The following PKIB variants were observed in gnomAD, a reference collection of about 807,000 sequenced individuals.
The protein encoded by PKIB is cAMP-dependent protein kinase inhibitor beta, also known as PKI-beta.
Under a neutral mutation model 4.5 loss-of-function variants are expected in PKIB, and 2 were observed. That is an observed-to-expected ratio of 0.44 (90% CI 0.18 to 1.39). The LOEUF is 1.39. PKIB is among the 40% of genes most tolerant of loss of function. PKIB has a pLI of 0.27. For missense variants in PKIB, 94 were observed against 92.6 expected (o/e 1.02, Z -0.06); for synonymous variants, 38 against 36.0 (o/e 1.06, Z -0.20).
chr6:122,564,051 T>C (rs1773109806), intron 2 of PKIB, among the ~76,000 whole-genome samples: 1 of 152,214 alleles, frequency 6.6e-6, no homozygotes, highest in Non-Finnish European at 1.5e-5. Context: ...CACTTGGCTC[T>C]CTAAATTGGC....
intron 1 of PKIB, among the ~76,000 whole-genome samples, chr6:122,611,765 A>G (rs1462029444): frequency 6.6e-6 from 1 of 152,242 alleles, no homozygotes; most frequent in Non-Finnish European, 1.5e-5. Flanking sequence ...ACTGATGACC[A>G]TAATGCTCAC....
intron 2 of PKIB, among the ~76,000 whole-genome samples, chr6:122,487,290 A>T (rs1477991718): frequency 1.3e-5 from 2 of 152,098 alleles, no homozygotes; most frequent in Admixed American, 1.3e-4. Context: ...TGACCTTGTT[A>T]TTTTTTTGAA....
intron 2 of PKIB, among the ~76,000 whole-genome samples, chr6:122,655,775 A>T (rs60988375): frequency 2.0e-5 from 3 of 152,196 alleles, no homozygotes; most frequent in Admixed American, 6.5e-5. Context: ...CTTACTTTTT[A>T]AAAAATTGGA....
chr6:122,667,914 C>T (rs1353376538), intron 2 of PKIB, among the ~76,000 whole-genome samples: 1 of 152,148 alleles, frequency 6.6e-6, no homozygotes, highest in Admixed American at 6.5e-5. Context: ...TACAGACAGA[C>T]AGGAGTGAAG....
At chr6:122,635,558 A>AC (rs1424757592) in intron 2 of PKIB, among the ~76,000 whole-genome samples, 1 of 151,572 alleles carries the variant, frequency 6.6e-6, no homozygotes, top group Non-Finnish European at 1.5e-5. Context: ...AAAAAAAAAA[A>AC]AAAACTAAAA....
At chr6:122,717,325 C>G (rs1779539144) in intron 3 of PKIB, among the ~76,000 whole-genome samples, 2 of 152,096 alleles carry the variant, frequency 1.3e-5, no homozygotes, top group African/African-American at 4.8e-5. Flanking sequence ...TTTCTTATTT[C>G]TAAGAAGTAG....
chr6:122,571,961 A>G (rs751256425), intron 2 of PKIB, among the ~76,000 whole-genome samples: 5 of 152,162 alleles, frequency 3.3e-5, no homozygotes, highest in Non-Finnish European at 7.4e-5. Flanking sequence ...GGATTAAAAA[A>G]CCGCTAACCA....
chr6:122,512,294 C>T (rs1422695931), intron 2 of PKIB, among the ~76,000 whole-genome samples: 2 of 152,120 alleles, frequency 1.3e-5, no homozygotes, highest in Admixed American at 6.5e-5. Context: ...CTGCCATTCT[C>T]CTTAGTGAAC....
chr6:122,526,628 A>C lies in PKIB; in HGVS notation c.-248+48689A>C, dbSNP rs529999653. On this transcript the variant is annotated intron_variant, in intron 2 of 6. Transcript: ENST00000392491. ...TCAGTGGGTCTCAACAATGGACTTA[A>C]AATATTCAATAAGCCATGCTGTCAG... is the stretch of plus-strand genomic sequence containing the variant. Among the ~76,000 whole-genome samples the C allele has an allele frequency of 3.9e-5, 6 of 152,188 alleles. No homozygotes were observed. The East Asian group carries it at 1.2e-3, about 29-fold the overall frequency.
chr6:122,720,994 G>A (rs924467362), intron 4 of PKIB, among the ~76,000 whole-genome samples: 9 of 152,122 alleles, frequency 5.9e-5, no homozygotes, highest in Non-Finnish European at 8.8e-5. Context: ...GAGCCACTGC[G>A]CCTGGCCTTG....
chr6:122,673,291 A>G (rs1560446), intron 2 of PKIB, among the ~76,000 whole-genome samples: 38,663 of 152,152 alleles, frequency 0.25, 5,431 homozygotes, highest in East Asian at 0.37. Context: ...ATTCTTATTT[A>G]TAGTTTCTAC....
chr6:122,710,586 G>A (rs1210551090), intron 3 of PKIB, among the ~76,000 whole-genome samples: 1 of 152,116 alleles, frequency 6.6e-6, no homozygotes, highest in Non-Finnish European at 1.5e-5. Flanking sequence ...CTTATTTTCT[G>A]GGGTTCCATT....
intron 1 of PKIB, among the ~76,000 whole-genome samples, chr6:122,472,918 C>T (rs556384484): frequency 6.6e-6 from 1 of 152,230 alleles, no homozygotes; most frequent in South Asian, 2.1e-4. Flanking sequence ...CAAGACCAGC[C>T]TGGCCAGCAT....
At chr6:122,693,446 A>G (rs975627992) in intron 3 of PKIB, among the ~76,000 whole-genome samples, 9 of 152,230 alleles carry the variant, frequency 5.9e-5, no homozygotes, top group African/African-American at 2.2e-4. Context: ...CTCATACTAA[A>G]ATTCTTCAGC....
intron 3 of PKIB, among the ~76,000 whole-genome samples, chr6:122,703,506 A>AATGAC (rs1459464031): frequency 2.6e-5 from 4 of 152,256 alleles, no homozygotes; most frequent in East Asian, 3.9e-4. Context: ...ATATGTAAGT[A>AATGAC]TAAATGACTA....
chr6:122,671,393 G>A (rs113479272), intron 2 of PKIB, among the ~76,000 whole-genome samples: 1 of 27,472 alleles, frequency 3.6e-5, no homozygotes, highest in Non-Finnish European at 1.8e-4. Flanking sequence ...GTCTTATCTC[G>A]TGTTACAGTT....
At chr6:122,626,101 T>TAGATAG (rs1562275450) in intron 1 of PKIB, among the ~76,000 whole-genome samples, 105 of 143,538 alleles carry the variant, frequency 7.3e-4, no homozygotes, top group African/African-American at 2.7e-3. Flanking sequence ...TAGATAGAGA[T>TAGATAG]AGATTAGAAG....
chr6:122,646,070 A>G (rs1429376520), intron 2 of PKIB, among the ~76,000 whole-genome samples: 1 of 152,090 alleles, frequency 6.6e-6, no homozygotes, highest in Non-Finnish European at 1.5e-5. Flanking sequence ...AGCACGCAAT[A>G]TGGAGGTGTT....
In PKIB at chr6:122,676,960, G is replaced by A. The variant is rs76722133; in HGVS notation, c.-9+1816G>A. 1.5e-3 allele frequency among the ~76,000 whole-genome samples: 221 copies of A among 152,152 alleles called. 1 individual carries two copies. The highest frequency in any genetic ancestry group is 4.9e-3 in the African/African-American group (203 of 41,486). On this transcript the variant is annotated intron_variant, in intron 3 of 4. Coordinates refer to ENST00000368452, the MANE Select transcript of PKIB (RefSeq NM_181795.3). ...AATGACATTAACCTATACTGTACCC[G>A]TGATTTCCTGTCTTTACTACATTGT...
Sources: gnomAD v4.1 joint callset for allele counts (sites outside exome capture counted in the v4.1 genomes callset) on GRCh38, gnomAD v4.1.1 for gene constraint, MANE v1.5 for transcripts, NCBI Gene and HGNC (gene_info 2026-07-23, HGNC 2026-07-21) for gene names.